B3GAT2: variants seen among roughly 807,000 people sequenced by gnomAD.
B3GAT2 encodes beta-1,3-glucuronyltransferase 2, also known as galactosylgalactosylxylosylprotein 3-beta-glucuronosyltransferase 2.
In B3GAT2, 26 loss-of-function variants were observed where a neutral mutation model predicts 27.8. The ratio of observed to expected loss-of-function variants is 0.93; its 90% CI spans 0.68 to 1.30. The LOEUF (loss-of-function observed/expected upper bound fraction) is 1.30, where lower values mean the gene tolerates loss of function less well. B3GAT2 is among the 50% of genes most tolerant of loss of function. The pLI, the probability that B3GAT2 is intolerant of heterozygous loss-of-function variation, is 0.00. For synonymous variants in B3GAT2, 218 were observed against 195.1 expected, an observed-to-expected ratio of 1.12 and a Z score of -0.98; for missense variants, 458 against 459.0, an observed-to-expected ratio of 1.00 and a Z score of 0.02.
chr6:70,874,454 C>T (rs1172961146), intron 2 of B3GAT2, among the ~76,000 whole-genome samples: 1 of 152,296 alleles, frequency 6.6e-6, no homozygotes, highest in Non-Finnish European at 1.5e-5. Context: ...TTAGTTTTCA[C>T]TTCTTGATTG....
intron 2 of B3GAT2, among the ~76,000 whole-genome samples, chr6:70,870,255 G>A (rs899042893): frequency 6.6e-6 from 1 of 151,718 alleles, no homozygotes; most frequent in Non-Finnish European, 1.5e-5. Flanking sequence ...CATGGATGAA[G>A]CTGGAAACCA....
At chr6:70,937,912 G>A (rs995120886) in intron 1 of B3GAT2, among the ~76,000 whole-genome samples, 3 of 151,960 alleles carry the variant, frequency 2.0e-5, no homozygotes, top group African/African-American at 7.2e-5. Flanking sequence ...GGGCAATTAG[G>A]CAGAAGAAGG....
At chr6:70,925,576 A>C (rs542603608) in intron 1 of B3GAT2, among the ~76,000 whole-genome samples, 3 of 152,308 alleles carry the variant, frequency 2.0e-5, no homozygotes, top group Middle Eastern at 6.8e-3. Context: ...ATCAAACTGC[A>C]AGACGGCCCC....
chr6:70,902,233 C>T (rs1395043025), intron 1 of B3GAT2, among the ~76,000 whole-genome samples: 2 of 151,978 alleles, frequency 1.3e-5, no homozygotes, highest in African/African-American at 4.8e-5. Flanking sequence ...GTTCCTCCTA[C>T]ATATAGTCAG....
intron 1 of B3GAT2, among the ~76,000 whole-genome samples, chr6:70,950,625 C>T (rs7449748): frequency 0.72 from 109,301 of 152,064 alleles, 39,579 homozygotes; most frequent in African/African-American, 0.77. Context: ...CTGTTAAAAA[C>T]GGGGATACTG....
chr6:70,871,374 C>A (rs1383163268), intron 2 of B3GAT2, among the ~76,000 whole-genome samples: 1 of 151,616 alleles, frequency 6.6e-6, no homozygotes, highest in Non-Finnish European at 1.5e-5. Flanking sequence ...CCAGTAAAGC[C>A]ATCTGAAAAT....
At chr6:70,925,023 C>A (rs1285941948) in intron 1 of B3GAT2, among the ~76,000 whole-genome samples, 1 of 152,346 alleles carries the variant, frequency 6.6e-6, no homozygotes, top group East Asian at 1.9e-4. Flanking sequence ...ACCTGACCTG[C>A]CAACCAGTCC....
Position 70,956,028 on chromosome 6 carries a change from C to A in B3GAT2, c.402G>T (p.Gly134=), listed in dbSNP as rs149577161. 1 of 1,543,310 alleles carries A rather than the reference C, an allele frequency of 6.5e-7. No homozygotes were observed. The highest frequency in any genetic ancestry group is 1.2e-5 in the South Asian group (1 of 81,482). Residue 134 remains glycine, a synonymous_variant, in exon 1 of 4, where the codon GGG becomes GGT. Transcript: ENST00000230053. The part of the protein sequence containing the change: ...ELVSRFLARA[G]LPSTHLHVPT... ...GCACGTGCAGGTGAGTGCTGGGCAG[C>A]CCGGCCCGCGCCAGGAAGCGGCTCA...
chr6:70,901,468 C>A (rs902998686), intron 1 of B3GAT2, among the ~76,000 whole-genome samples: 2 of 152,174 alleles, frequency 1.3e-5, no homozygotes, highest in African/African-American at 4.8e-5. Context: ...AGACAAAAAA[C>A]CGAACAAACC....
intron 2 of B3GAT2, among the ~76,000 whole-genome samples, chr6:70,862,812 A>G (rs899555797): frequency 6.6e-6 from 1 of 152,082 alleles, no homozygotes; most frequent in Admixed American, 6.5e-5. Flanking sequence ...TCTACAAAAA[A>G]TACAAAAATT....
chr6:70,936,559 G>C (rs1765283880), intron 1 of B3GAT2, among the ~76,000 whole-genome samples: 1 of 152,064 alleles, frequency 6.6e-6, no homozygotes, highest in African/African-American at 2.4e-5. Context: ...CTGTCTCTCA[G>C]ACCACAGTGC....
chr6:70,937,067 G>T (rs1765293747), intron 1 of B3GAT2, among the ~76,000 whole-genome samples: 1 of 152,010 alleles, frequency 6.6e-6, no homozygotes, highest in African/African-American at 2.4e-5. Flanking sequence ...TGATAAAGGG[G>T]ATATCACCAC....
chr6:70,896,452 T>A lies in B3GAT2; in HGVS notation c.592-2180A>T, dbSNP rs987788561. On this transcript the variant is annotated intron_variant, in intron 1 of 3. Transcript: ENST00000230053. ...AATTAGACACATTTTGACATATGTA[T>A]ATAGCCATGAAGCCATCACCACAAT... Among the ~76,000 whole-genome samples, 9 of 152,320 alleles carry A rather than the reference T, an allele frequency of 5.9e-5. No individual in the cohort carries two copies. In the East Asian group the frequency reaches 1.7e-3, roughly 29 times the overall value.
intron 1 of B3GAT2, among the ~76,000 whole-genome samples, chr6:70,902,840 C>G (rs1772529804): frequency 6.6e-6 from 1 of 151,822 alleles, no homozygotes; most frequent in Non-Finnish European, 1.5e-5. Context: ...CTTAAAAAGT[C>G]AAACTCATAG....
intron 2 of B3GAT2, among the ~76,000 whole-genome samples, chr6:70,866,773 A>G (rs1771858095): frequency 1.3e-5 from 2 of 152,104 alleles, no homozygotes; most frequent in African/African-American, 4.8e-5. Context: ...AAACTTGAAA[A>G]CTCAGGAAAG....
chr6:70,876,601 CATA>C (rs1453503924), intron 2 of B3GAT2, among the ~76,000 whole-genome samples: 2 of 152,130 alleles, frequency 1.3e-5, no homozygotes. Flanking sequence ...TACCTGGAAA[CATA>C]GTAAGCATTC....
chr6:70,936,545 C>A (rs886526539), intron 1 of B3GAT2, among the ~76,000 whole-genome samples: 14 of 152,024 alleles, frequency 9.2e-5, no homozygotes, highest in Non-Finnish European at 2.9e-5. Flanking sequence ...GAAATTATAA[C>A]AAACTGTCTC....
intron 2 of B3GAT2, among the ~76,000 whole-genome samples, chr6:70,863,022 TG>T (rs1003521287): frequency 6.6e-6 from 1 of 152,196 alleles, no homozygotes; most frequent in African/African-American, 2.4e-5. Context: ...TTTAACAAAC[TG>T]TTTAAAGCTC....
At chr6:70,922,606 T>C (rs1269544994) in intron 1 of B3GAT2, among the ~76,000 whole-genome samples, 1 of 152,022 alleles carries the variant, frequency 6.6e-6, no homozygotes, top group Non-Finnish European at 1.5e-5. Context: ...CAAATAAATA[T>C]AAATTAGAAA....
Sources: allele counts gnomAD v4.1 joint callset (sites outside exome capture counted in the v4.1 genomes callset), GRCh38; gene constraint gnomAD v4.1.1; transcripts MANE v1.5; gene names NCBI Gene and HGNC (gene_info 2026-07-23, HGNC 2026-07-21).